The following KLHL18 variants were observed in gnomAD, a reference collection of about 807,000 sequenced individuals.
The protein encoded by KLHL18 is kelch like family member 18.
A neutral mutation model predicts 58.5 loss-of-function variants in KLHL18; 38 were observed. The observed-to-expected ratio is 0.65, with a 90% CI of 0.50 to 0.85. The LOEUF is 0.85. KLHL18 is among the 40% of genes least tolerant of loss of function. The probability of loss-of-function intolerance (pLI) is 0.00; values close to 1 mark genes in which losing one functional copy is unlikely to be tolerated. For synonymous variants in KLHL18, 303 were observed against 301.9 expected, an observed-to-expected ratio of 1.00 and a Z score of -0.04; for missense variants, 624 against 778.4, an observed-to-expected ratio of 0.80 and a Z score of 2.36.
intron 5 of KLHL18, among the ~76,000 whole-genome samples, chr3:47,333,748 G>GT (rs1185196635): frequency 2.0e-5 from 3 of 152,240 alleles, no homozygotes; most frequent in African/African-American, 7.2e-5. Flanking sequence ...CCTCTGCCAG[G>GT]TGTAGGCTTT....
intron 4 of KLHL18, 49 bp from the exon 5 acceptor site, chr3:47,333,107 TG>T: frequency 6.3e-7 from 1 of 1,582,520 alleles, no homozygotes; most frequent in South Asian, 1.2e-5. Flanking sequence ...GCCTGGGGTG[TG>T]GCCTCTGGGT....
At chr3:47,285,253 C>G (rs1387725260) in intron 1 of KLHL18, among the ~76,000 whole-genome samples, 2 of 152,096 alleles carry the variant, frequency 1.3e-5, no homozygotes, top group Non-Finnish European at 2.9e-5. Context: ...CTAAAGGAAG[C>G]AGAGGAAGTA....
chr3:47,339,789 T>C (rs1481380566), intron 7 of KLHL18, among the ~76,000 whole-genome samples: 1 of 57,260 alleles, frequency 1.7e-5, no homozygotes, highest in African/African-American at 5.2e-5. Flanking sequence ...TGGCTGGGTG[T>C]GGTGGCTCAC....
intron 1 of KLHL18, among the ~76,000 whole-genome samples, chr3:47,317,723 T>A (rs1405565062): frequency 6.6e-6 from 1 of 152,220 alleles, no homozygotes; most frequent in African/African-American, 2.4e-5. Flanking sequence ...CATATTAATT[T>A]AACCAAAATT....
chr3:47,332,726 G>A (rs1295290803), intron 4 of KLHL18, among the ~76,000 whole-genome samples: 1 of 152,018 alleles, frequency 6.6e-6, no homozygotes, highest in Admixed American at 6.6e-5. Flanking sequence ...TCTAGAGCCA[G>A]GCCTTAAAAA....
intron 3 of KLHL18, among the ~76,000 whole-genome samples, chr3:47,324,296 TTC>T (rs1295500419): frequency 3.7e-4 from 48 of 128,494 alleles, no homozygotes; most frequent in African/African-American, 1.3e-3. Context: ...TTTTCTTTCT[TTC>T]TTTTTTTTTT....
At chr3:47,286,546 C>T (rs907453047) in intron 1 of KLHL18, among the ~76,000 whole-genome samples, 1 of 152,288 alleles carries the variant, frequency 6.6e-6, no homozygotes, top group East Asian at 1.9e-4. Context: ...GTCAGAATCA[C>T]CTGGTGGCCT....
chr3:47,293,891 C>T (rs1702841741), intron 1 of KLHL18, among the ~76,000 whole-genome samples: 1 of 152,180 alleles, frequency 6.6e-6, no homozygotes, highest in Non-Finnish European at 1.5e-5. Flanking sequence ...TTTGGCTCAT[C>T]CTCTCTTATG....
At chr3:47,313,513 C>A (rs1163703311) in intron 1 of KLHL18, among the ~76,000 whole-genome samples, 1 of 152,162 alleles carries the variant, frequency 6.6e-6, no homozygotes, top group Non-Finnish European at 1.5e-5. Flanking sequence ...CATGAACCAC[C>A]ATGCCCACAA....
chr3:47,293,775 T>C (rs1702838711), intron 1 of KLHL18, among the ~76,000 whole-genome samples: 1 of 152,220 alleles, frequency 6.6e-6, no homozygotes, highest in Non-Finnish European at 1.5e-5. Flanking sequence ...TGGGTCCTCA[T>C]ACTCATTATG....
chr3:47,305,901 G>A (rs780230940), intron 1 of KLHL18, among the ~76,000 whole-genome samples: 1 of 152,054 alleles, frequency 6.6e-6, no homozygotes, highest in Non-Finnish European at 1.5e-5. Context: ...GTATTCTCCT[G>A]TTATCATTTT....
intron 1 of KLHL18, among the ~76,000 whole-genome samples, chr3:47,297,087 C>T (rs1040690073): frequency 6.6e-6 from 1 of 152,180 alleles, no homozygotes; most frequent in Non-Finnish European, 1.5e-5. Context: ...AGCCCCAAGT[C>T]CTTTTTTAGT....
At chr3:47,317,469 G>T (rs919754243) in intron 1 of KLHL18, among the ~76,000 whole-genome samples, 1 of 152,108 alleles carries the variant, frequency 6.6e-6, no homozygotes, top group African/African-American at 2.4e-5. Flanking sequence ...ACTACGTGGG[G>T]TTCAGGAAAC....
chr3:47,345,375 C>A lies in KLHL18; in HGVS notation c.*1434C>A, dbSNP rs567033556. ...GGTGGACCTTTACATTCAAGCACAG[C>A]TGGCTTTTATGACATAAAGAACTAA... On this transcript the variant is annotated 3_prime_UTR_variant, in exon 10 of 10. Coordinates refer to ENST00000232766, the MANE Select transcript of KLHL18 (RefSeq NM_025010.5). The A allele has an allele frequency of 6.5e-6, 1 of 152,794 alleles. No individual in the cohort carries two copies. Among genetic ancestry groups the A allele is most frequent in the African/African-American group, 2.4e-5 (1 of 41,582 alleles). 9.5% of individuals were successfully genotyped at this position (152,794 alleles called of 1,614,324 possible).
intron 1 of KLHL18, among the ~76,000 whole-genome samples, chr3:47,295,792 C>G (rs1702883297): frequency 6.6e-6 from 1 of 151,868 alleles, no homozygotes; most frequent in African/African-American, 2.4e-5. Flanking sequence ...GTTGCCCAGG[C>G]TGGTCTCGAA....
intron 1 of KLHL18, among the ~76,000 whole-genome samples, chr3:47,300,304 T>TAC (rs1331743475): frequency 6.8e-6 from 1 of 146,774 alleles, no homozygotes; most frequent in African/African-American, 2.5e-5. Flanking sequence ...TATATATATA[T>TAC]ATATATGTGT....
intron 8 of KLHL18, 87 bp from the exon 9 acceptor site, chr3:47,342,632 A>G: frequency 9.9e-7 from 1 of 1,011,838 alleles, no homozygotes. Flanking sequence ...TGGCCAGCAC[A>G]GTTCACCTAA....
At chr3:47,300,303 A>ATATG (rs1559488655) in intron 1 of KLHL18, among the ~76,000 whole-genome samples, 53 of 146,408 alleles carry the variant, frequency 3.6e-4, no homozygotes, top group African/African-American at 1.2e-3. Context: ...ATATATATAT[A>ATATG]TATATATGTG....
chr3:47,305,334 GTTTTTTTTTTT>G (rs397744565), intron 1 of KLHL18, among the ~76,000 whole-genome samples: 1 of 70,388 alleles, frequency 1.4e-5, no homozygotes, highest in East Asian at 5.3e-4. Context: ...ATTTTGTCAA[GTTTTTTTTTTT>G]TTTTTTTTTT....
Sources: allele counts gnomAD v4.1 joint callset (sites outside exome capture counted in the v4.1 genomes callset), GRCh38; gene constraint gnomAD v4.1.1; transcripts MANE v1.5; gene names NCBI Gene and HGNC (gene_info 2026-07-23, HGNC 2026-07-21).